The following ANAPC1 variants were observed in gnomAD, a reference collection of about 807,000 sequenced individuals.
The protein encoded by ANAPC1 is anaphase-promoting complex subunit 1.
A neutral mutation model predicts 208.0 loss-of-function variants in ANAPC1; 36 were observed. The ratio of observed to expected loss-of-function variants is 0.17; its 90% CI spans 0.13 to 0.23. ANAPC1 has a LOEUF of 0.23. Ranked by LOEUF, ANAPC1 falls within the 10% of genes least tolerant of loss-of-function variation. The pLI is 1.00. For missense variants in ANAPC1, 942 were observed against 2,011.6 expected, an observed-to-expected ratio of 0.47 and a Z score of 10.17; for synonymous variants, 378 against 695.2, an observed-to-expected ratio of 0.54 and a Z score of 7.18.
At chr2:111,769,962 GTGAGCCACTGCGCCCAGCCTCGGC>G (rs1676641869) in intron 47 of ANAPC1, among the ~76,000 whole-genome samples, 1 of 151,916 alleles carries the variant, frequency 6.6e-6, no homozygotes, top group African/African-American at 2.4e-5. Context: ...GATTACAGGC[GTGAGCCACTGCGCCCAGCCTCGGC>G]TGAGCATTCT....
chr2:111,864,417 A>G (rs1168464057), intron 8 of ANAPC1, among the ~76,000 whole-genome samples: 1 of 148,684 alleles, frequency 6.7e-6, no homozygotes, highest in African/African-American at 2.5e-5. Flanking sequence ...AAAAAAAAAA[A>G]AAGTGAGGGT....
chr2:111,881,728 A>T (rs1683308898), intron 1 of ANAPC1, among the ~76,000 whole-genome samples: 1 of 152,240 alleles, frequency 6.6e-6, no homozygotes, highest in Non-Finnish European at 1.5e-5. Context: ...TCCTATAGAC[A>T]GCATTTTTAA....
intron 21 of ANAPC1, among the ~76,000 whole-genome samples, 171 bp downstream of exon 21, chr2:111,831,115 T>C (rs1680103930): frequency 6.6e-6 from 1 of 152,188 alleles, no homozygotes; most frequent in Non-Finnish European, 1.5e-5. Context: ...TGAGAGAAAT[T>C]TTTGAGGGTG....
intron 1 of ANAPC1, among the ~76,000 whole-genome samples, chr2:111,883,670 G>A (rs1294434765): frequency 4.6e-5 from 7 of 152,200 alleles, no homozygotes; most frequent in Admixed American, 2.0e-4. Flanking sequence ...AGGGGCTGGA[G>A]GCCAGTCTGA....
At chr2:111,851,529 G>A (rs578006659) in intron 13 of ANAPC1, among the ~76,000 whole-genome samples, 18 of 152,218 alleles carry the variant, frequency 1.2e-4, no homozygotes, top group African/African-American at 3.6e-4. Flanking sequence ...AACAGCGGCC[G>A]GGCGCGGTGG....
intron 18 of ANAPC1, among the ~76,000 whole-genome samples, chr2:111,837,771 T>C (rs1248174019): frequency 1.3e-5 from 2 of 151,826 alleles, no homozygotes; most frequent in Non-Finnish European, 2.9e-5. Flanking sequence ...TAAAAAAACA[T>C]ATTTGGACCA....
chr2:111,808,328 TTAA>T lies in ANAPC1; in HGVS notation c.3832+616_3832+618del, dbSNP rs1272608905. ...GTATGTAACTAAATTGTTGAGCATA[TTAA>T]TAATGCCAATAGCATTTCCATTTGG... On this transcript the variant is annotated intron_variant, in intron 29 of 47. Coordinates refer to ENST00000341068, the MANE Select transcript of ANAPC1 (RefSeq NM_022662.4). Among the ~76,000 whole-genome samples, 6 of 152,304 alleles carry T rather than the reference TTAA, an allele frequency of 3.9e-5. No homozygotes were observed. The East Asian group carries it at 1.2e-3, about 29-fold the overall frequency.
intron 6 of ANAPC1, among the ~76,000 whole-genome samples, chr2:111,868,854 A>C (rs1682579828): frequency 1.3e-5 from 2 of 151,948 alleles, no homozygotes; most frequent in African/African-American, 4.8e-5. Flanking sequence ...TTTTTTAAGG[A>C]ATTATTTTTT....
chr2:111,864,315 G>A (rs531314718), intron 8 of ANAPC1, among the ~76,000 whole-genome samples: 2 of 144,136 alleles, frequency 1.4e-5, no homozygotes, highest in South Asian at 4.7e-4. Context: ...GACAGAGTGA[G>A]GCCCTGTCTC....
In ANAPC1 at chr2:111,880,866, A is replaced by G; in HGVS notation, c.-24-17T>C. 1 of 1,600,662 alleles carries G rather than the reference A, an allele frequency of 6.2e-7. No individual in the cohort carries two copies. ...ACATTATTTCTGTATGAATTCAAAC[A>G]CATTCTGGTCAGCTTCCAGACTCAA... On this transcript the variant is annotated splice_polypyrimidine_tract_variant and intron_variant, in intron 1 of 47. Transcript: ENST00000341068.
chr2:111,854,959 G>A (rs1486275488), intron 13 of ANAPC1, among the ~76,000 whole-genome samples: 6 of 152,174 alleles, frequency 3.9e-5, no homozygotes, highest in Non-Finnish European at 7.3e-5. Flanking sequence ...TGCACAGGTG[G>A]TCTGGCTCTC....
intron 3 of ANAPC1, among the ~76,000 whole-genome samples, chr2:111,876,647 T>C (rs1261765852): frequency 6.6e-6 from 1 of 152,212 alleles, no homozygotes; most frequent in Non-Finnish European, 1.5e-5. Flanking sequence ...AAAAGATCAC[T>C]GGCTTCAACA....
chr2:111,868,091 G>C lies in ANAPC1; in HGVS notation c.617C>G (p.Pro206Arg). Residue 206 changes from proline (P) to arginine (R), a missense_variant, in exon 7 of 48, where the codon CCT (proline) becomes CGT (arginine). Coordinates refer to ENST00000341068, the MANE Select transcript of ANAPC1 (RefSeq NM_022662.4). ...HEVPPGSPRE[P>R]LPTMFSMLHP... ...CAGCATGCTGAACATAGTAGGTAAAGGTTCTCTAGCAATAAACAAATAATC... is the reference window on the plus strand; with the variant it reads ...CAGCATGCTGAACATAGTAGGTAAACGTTCTCTAGCAATAAACAAATAATC... The C allele has an allele frequency of 6.3e-7, 1 of 1,587,186 alleles. No homozygotes were observed. Among genetic ancestry groups the C allele is most frequent in the Non-Finnish European group, 8.6e-7 (1 of 1,167,754 alleles).
chr2:111,858,344 C>T lies in ANAPC1; in HGVS notation c.1320G>A (p.Lys440=). 1 of 1,613,782 alleles carries T rather than the reference C, an allele frequency of 6.2e-7. No homozygotes were observed. The highest frequency in any genetic ancestry group is 1.1e-5 in the South Asian group (1 of 91,070). Residue 440 remains lysine (K), a synonymous_variant, in exon 11 of 48, where the codon AAG becomes AAA. Transcript: ENST00000341068. ...VFITSDLCGQ[K]FLCFLVESQL... ...GGGACTCTACTAAAAAGCACAGGAACTTTTGCCCACATAGGTCAGATGTAA... is the reference window on the plus strand; with the variant it reads ...GGGACTCTACTAAAAAGCACAGGAATTTTTGCCCACATAGGTCAGATGTAA...
rs538264723 is a variant in ANAPC1, at chr2:111,833,422, G to A, written c.2385-111C>T. 590 of 1,344,190 alleles carry A rather than the reference G, an allele frequency of 4.4e-4. 2 individuals are homozygous for A. Among genetic ancestry groups the A allele is most frequent in the Non-Finnish European group, 9.0e-5 (93 of 1,032,378 alleles). The allele number at this position is 1,344,190 out of a possible 1,614,324, so 83.3% of individuals were successfully genotyped here. The stretch of plus-strand genomic sequence containing the variant: ...AATTTAAAAACTTACATATGAGAAA[G>A]ATAACCAAATCTAGAGTCTCTCTAT... On this transcript the variant is annotated intron_variant, in intron 19 of 47. Transcript: ENST00000341068.
intron 21 of ANAPC1, among the ~76,000 whole-genome samples, chr2:111,827,540 C>A (rs551984557): frequency 6.6e-6 from 1 of 152,002 alleles, no homozygotes; most frequent in Non-Finnish European, 1.5e-5. Flanking sequence ...TTATCACTTG[C>A]GGTCAGGAGT....
chr2:111,851,895 T>G (rs1471493752), intron 13 of ANAPC1, among the ~76,000 whole-genome samples: 5 of 151,830 alleles, frequency 3.3e-5, no homozygotes, highest in Admixed American at 6.6e-5. Context: ...AAACAGAAAT[T>G]CACATCTGTA....
intron 1 of ANAPC1, among the ~76,000 whole-genome samples, chr2:111,883,103 T>C (rs192185890): frequency 1.6e-3 from 231 of 147,416 alleles, no homozygotes; most frequent in Non-Finnish European, 2.8e-3. Flanking sequence ...GAGCCAGAGG[T>C]TACAGTGAGC....
At chr2:111,819,050 G>A in intron 26 of ANAPC1, 92 bp from the exon 27 acceptor site, 1 of 1,344,198 alleles carries the variant, frequency 7.4e-7, no homozygotes, top group East Asian at 2.7e-5. Context: ...AAGGTGTACT[G>A]TATAAGATGA....
Sources: allele counts gnomAD v4.1 joint callset (sites outside exome capture counted in the v4.1 genomes callset), GRCh38; gene constraint gnomAD v4.1.1; transcripts MANE v1.5; gene names NCBI Gene and HGNC (gene_info 2026-07-23, HGNC 2026-07-21).